Variants in B4GALNT3 observed in about 807,000 individuals in gnomAD.
B4GALNT3 encodes beta-1,4-N-acetylgalactosaminyltransferase 3.
A neutral mutation model predicts 120.2 loss-of-function variants in B4GALNT3; 86 were observed. The observed-to-expected ratio is 0.72, with a 90% confidence interval of 0.60 to 0.86. The LOEUF is 0.86. Among genes scored for constraint, B4GALNT3 ranks in the 40% least tolerant of loss-of-function variants. The pLI is 0.00. For synonymous variants in B4GALNT3, 518 were observed against 510.4 expected, an observed-to-expected ratio of 1.01 and a Z score of -0.20; for missense variants, 1,167 against 1,298.9, an observed-to-expected ratio of 0.90 and a Z score of 1.56.
intron 14 of B4GALNT3, among the ~76,000 whole-genome samples, chr12:554,661 G>A (rs1947126786): frequency 6.6e-6 from 1 of 150,426 alleles, no homozygotes; most frequent in African/African-American, 2.4e-5. Context: ...ATAGTGGCGG[G>A]CGCCTGTAGT....
chr12:524,676 C>T (rs1393173934), intron 1 of B4GALNT3, among the ~76,000 whole-genome samples: 6 of 151,122 alleles, frequency 4.0e-5, no homozygotes, highest in Admixed American at 4.0e-4. Context: ...AGAAAACAAA[C>T]GAGTTAAATC....
chr12:478,182 C>G (rs1281818559), intron 1 of B4GALNT3, among the ~76,000 whole-genome samples: 2 of 143,332 alleles, frequency 1.4e-5, no homozygotes, highest in Admixed American at 7.4e-5. Context: ...CCCAGGAGAT[C>G]AAGGCTGCAG....
chr12:525,361 G>C (rs913297620), intron 1 of B4GALNT3, among the ~76,000 whole-genome samples: 1 of 152,220 alleles, frequency 6.6e-6, no homozygotes, highest in East Asian at 1.9e-4. Context: ...CGCCTGCCTC[G>C]ACCTCCCAAA....
chr12:536,421 A>G, intron 3 of B4GALNT3, 126 bp downstream of exon 3: 1 of 664,304 alleles, frequency 1.5e-6, no homozygotes, highest in South Asian at 2.2e-5. Flanking sequence ...TGAGAGAGCT[A>G]AAAAATAATG....
chr12:496,916 C>T (rs551678390), intron 1 of B4GALNT3, among the ~76,000 whole-genome samples: 6 of 152,326 alleles, frequency 3.9e-5, no homozygotes, highest in East Asian at 1.9e-4. Flanking sequence ...CTTGCTCTGC[C>T]GCCCAGGCTG....
At chr12:531,018 C>T (rs936295929) in intron 1 of B4GALNT3, among the ~76,000 whole-genome samples, 1 of 152,170 alleles carries the variant, frequency 6.6e-6, no homozygotes, top group Admixed American at 6.5e-5. Context: ...GAGAAGAGGT[C>T]TGGCTAGGAG....
In B4GALNT3 at chr12:550,266, C is replaced by A. The variant is rs923677226; in HGVS notation, c.997+354C>A. On this transcript the variant is annotated intron_variant, in intron 10 of 19. Coordinates refer to ENST00000266383, the MANE Select transcript of B4GALNT3 (RefSeq NM_173593.4). The surrounding 1 kb of genome is among the most constrained non-coding windows in gnomAD (Gnocchi z 4.1). Reference sequence around the variant, plus strand: ...CTCTTGTCATCCAAGGAGAGAAATACGTGGACACCACAGTGTTAGAGTCTT... The same window carrying A: ...CTCTTGTCATCCAAGGAGAGAAATAAGTGGACACCACAGTGTTAGAGTCTT... 6.6e-6 allele frequency among the ~76,000 whole-genome samples: 1 copy of A among 152,140 alleles called. No homozygotes were observed. Among genetic ancestry groups the A allele is most frequent in the Non-Finnish European group, 1.5e-5 (1 of 68,032 alleles).
chr12:474,416 CTGTT>C (rs1205092726), intron 1 of B4GALNT3, among the ~76,000 whole-genome samples: 1 of 152,186 alleles, frequency 6.6e-6, no homozygotes, highest in Non-Finnish European at 1.5e-5. Flanking sequence ...TTATTTTTGT[CTGTT>C]TGTCTTCCCC....
intron 3 of B4GALNT3, among the ~76,000 whole-genome samples, chr12:536,536 A>AG (rs925881476): frequency 2.6e-5 from 4 of 152,180 alleles, no homozygotes; most frequent in African/African-American, 9.7e-5. Flanking sequence ...TTTTTAGAGA[A>AG]GGGGTCTCAC....
chr12:546,200 G>A (rs1198568837), intron 6 of B4GALNT3, among the ~76,000 whole-genome samples: 2 of 93,398 alleles, frequency 2.1e-5, no homozygotes, highest in African/African-American at 4.1e-5. Flanking sequence ...GGCAGGGGGT[G>A]TGAGAGGAGG....
intron 9 of B4GALNT3, among the ~76,000 whole-genome samples, chr12:549,196 GC>G (rs538280430): frequency 3.5e-4 from 53 of 152,072 alleles, no homozygotes; most frequent in Non-Finnish European, 6.9e-4. Flanking sequence ...GAAGCAGCCA[GC>G]CCCCCACCCC....
chr12:472,774 G>A (rs1357400243), intron 1 of B4GALNT3, among the ~76,000 whole-genome samples: 1 of 152,150 alleles, frequency 6.6e-6, no homozygotes, highest in African/African-American at 2.4e-5. Context: ...TGTAGAGACA[G>A]AGTCTCACTA....
chr12:523,223 G>A (rs1047170673), intron 1 of B4GALNT3, among the ~76,000 whole-genome samples: 4 of 152,140 alleles, frequency 2.6e-5, no homozygotes, highest in African/African-American at 9.7e-5. Context: ...GTGACCAGCA[G>A]ATGCCTAATC....
intron 1 of B4GALNT3, among the ~76,000 whole-genome samples, chr12:533,080 C>G (rs144934543): frequency 4.6e-5 from 7 of 152,182 alleles, no homozygotes; most frequent in African/African-American, 1.4e-4. Flanking sequence ...CAAGGCAGGG[C>G]CCATCCTCCT....
At position 561,015 on chromosome 12, in the gene B4GALNT3, C is replaced by T. The variant is rs371005305; in HGVS notation, c.2889-328C>T. On this transcript the variant is annotated intron_variant, in intron 19 of 19. Transcript: ENST00000266383. ...CTGAGCCCTCAGCATCCATCCTTCT[C>T]GTCTTCCCCACCTCTGATGTGTATA... is the stretch of plus-strand genomic sequence containing the variant. 7.9e-5 allele frequency among the ~76,000 whole-genome samples: 12 copies of T among 152,332 alleles called. No homozygotes were observed. The East Asian group carries it at 1.5e-3, about 20-fold the overall frequency.
At chr12:471,787 AT>A (rs139219261) in intron 1 of B4GALNT3, among the ~76,000 whole-genome samples, 10,113 of 152,186 alleles carry the variant, frequency 0.066, 574 homozygotes, top group African/African-American at 0.16. Flanking sequence ...TTTAAAACAA[AT>A]TTATTTAATT....
At chr12:554,087 G>A (rs1828202295) in intron 14 of B4GALNT3, 104 bp downstream of exon 14, 2 of 761,820 alleles carry the variant, frequency 2.6e-6, no homozygotes, top group South Asian at 1.8e-5. Context: ...CCCAGCCGCG[G>A]AAATAGCTGG....
intron 1 of B4GALNT3, among the ~76,000 whole-genome samples, chr12:513,359 C>T (rs1324518864): frequency 2.6e-5 from 4 of 152,214 alleles, no homozygotes; most frequent in African/African-American, 9.7e-5. Flanking sequence ...TGCTGGTTGC[C>T]CATTTTATGC....
chr12:527,666 C>T (rs1328929284), intron 1 of B4GALNT3, among the ~76,000 whole-genome samples: 1 of 152,106 alleles, frequency 6.6e-6, no homozygotes, highest in Non-Finnish European at 1.5e-5. Context: ...CACACCTGTG[C>T]TGGGAGGGAG....
Sources: allele counts gnomAD v4.1 joint callset (sites outside exome capture counted in the v4.1 genomes callset), GRCh38; gene constraint gnomAD v4.1.1; non-coding constraint Gnocchi (gnomAD v3.1); transcripts MANE v1.5; gene names NCBI Gene and HGNC (gene_info 2026-07-23, HGNC 2026-07-21).